Variants in CCDC180 observed in about 807,000 individuals in gnomAD.
The protein encoded by CCDC180 is coiled-coil domain-containing protein 180.
Under a neutral mutation model 209.2 loss-of-function variants are expected in CCDC180, and 154 were observed. The ratio of observed to expected loss-of-function variants is 0.74; its 90% confidence interval spans 0.65 to 0.84. CCDC180 has a LOEUF of 0.84. CCDC180 is among the 40% of genes least tolerant of loss of function. The probability of loss-of-function intolerance (pLI) is 0.00; values close to 1 mark genes in which losing one functional copy is unlikely to be tolerated. For synonymous variants in CCDC180, 778 were observed against 749.1 expected, an observed-to-expected ratio of 1.04 and a Z score of -0.63; for missense variants, 1,874 against 1,997.3, an observed-to-expected ratio of 0.94 and a Z score of 1.18.
chr9:97,343,137 G>A (rs1461678912), intron 18 of CCDC180, among the ~76,000 whole-genome samples: 3 of 152,194 alleles, frequency 2.0e-5, no homozygotes, highest in African/African-American at 2.4e-5. Context: ...GATGTTTTAA[G>A]AGAAATTAGA....
chr9:97,349,575 C>T (rs1826366802), intron 21 of CCDC180, among the ~76,000 whole-genome samples: 1 of 152,188 alleles, frequency 6.6e-6, no homozygotes, highest in African/African-American at 2.4e-5. Flanking sequence ...ACCACTTCCC[C>T]TCAGGAAAAA....
In CCDC180 at chr9:97,318,461, A is replaced by G. The variant is rs1475304532; in HGVS notation, c.960-2A>G. 1 of 1,613,224 alleles carries G rather than the reference A, an allele frequency of 6.2e-7. No homozygotes were observed. The highest frequency in any genetic ancestry group is 8.5e-7 in the Non-Finnish European group (1 of 1,179,724). ...TATGGTGCCAACATGTCTGGCCACC[A>G]GTGAGTTCATGGCCAGTGAGAGTAT... is the stretch of plus-strand genomic sequence containing the variant. On this transcript the variant is annotated splice_acceptor_variant, in intron 9 of 36. Coordinates refer to ENST00000529487, the MANE Select transcript of CCDC180 (RefSeq NM_020893.6). LOFTEE classifies it high-confidence loss of function.
At chr9:97,329,000 G>A (rs4743075) in intron 16 of CCDC180, among the ~76,000 whole-genome samples, 44,846 of 151,980 alleles carry the variant, frequency 0.3, 7,261 homozygotes, top group African/African-American at 0.41. Flanking sequence ...CTCTTTTCCC[G>A]CACACCAGCC....
Position 97,364,069 on chromosome 9 carries a change from G to T in CCDC180, c.3921G>T (p.Lys1307Asn). The T allele has an allele frequency of 6.2e-7, 1 of 1,614,098 alleles. No individual in the cohort carries two copies. Among genetic ancestry groups the T allele is most frequent in the Non-Finnish European group, 8.5e-7 (1 of 1,179,988 alleles). Residue 1307 changes from lysine (K) to asparagine (N), a missense_variant, in exon 29 of 37, where the codon AAG becomes AAT. Coordinates refer to ENST00000529487, the MANE Select transcript of CCDC180 (RefSeq NM_020893.6). ...TSAGSFTPHP[K>N]PNKMERKYRV... Reference sequence around the variant, plus strand: ...CCCACAGCTTCACACCGCACCCCAAGCCCAACAAAATGGAGAGAAAGTACC... The same window carrying T: ...CCCACAGCTTCACACCGCACCCCAATCCCAACAAAATGGAGAGAAAGTACC...
chr9:97,376,911 G>T lies in CCDC180; in HGVS notation c.*17G>T. On this transcript the variant is annotated 3_prime_UTR_variant, in exon 37 of 37. Transcript: ENST00000529487. ...TATGTGTGACCCTCCGCCCCACCAT[G>T]AATAAACACTTTCTTATACAGACTC... 1 of 1,605,858 alleles carries T rather than the reference G, an allele frequency of 6.2e-7. No individual in the cohort carries two copies. Among genetic ancestry groups the T allele is most frequent in the South Asian group, 1.1e-5 (1 of 90,448 alleles).
chr9:97,328,213 T>G (rs2118668740), intron 16 of CCDC180, 67 bp downstream of exon 16: 1 of 1,558,224 alleles, frequency 6.4e-7, no homozygotes, highest in East Asian at 2.3e-5. Flanking sequence ...GACTTCTTGT[T>G]ATGATCTGCC....
chr9:97,354,129 T>G (rs1826499319), intron 22 of CCDC180, among the ~76,000 whole-genome samples: 1 of 151,708 alleles, frequency 6.6e-6, no homozygotes, highest in Admixed American at 6.6e-5. Context: ...TCCCAAGTAG[T>G]TGGAATCACA....
intron 20 of CCDC180, 149 bp from the exon 21 acceptor site, chr9:97,348,962 C>T: frequency 1.4e-6 from 1 of 700,782 alleles, no homozygotes; most frequent in South Asian, 2.3e-5. Flanking sequence ...CTGATGAAGG[C>T]AACAGGGGCA....
chr9:97,337,808 T>G (rs1282380336), intron 18 of CCDC180, among the ~76,000 whole-genome samples: 1 of 152,222 alleles, frequency 6.6e-6, no homozygotes, highest in Non-Finnish European at 1.5e-5. Context: ...ATTTTTCTGG[T>G]TGGTAGGCTA....
intron 10 of CCDC180, among the ~76,000 whole-genome samples, chr9:97,318,816 A>G (rs1272175681): frequency 2.6e-5 from 4 of 152,164 alleles, no homozygotes; most frequent in African/African-American, 9.7e-5. Context: ...GAAAGAAACA[A>G]TGAACGGGGG....
intron 23 of CCDC180, 67 bp from the exon 24 acceptor site, chr9:97,354,825 C>T: frequency 6.4e-7 from 1 of 1,562,092 alleles, no homozygotes; most frequent in Non-Finnish European, 8.8e-7. Flanking sequence ...GCCTGTCCCC[C>T]TCCTCCTTCA....
At position 97,378,687 on chromosome 9, in the gene CCDC180, G is replaced by T. The variant is rs888485073; in HGVS notation, c.*1793G>T. On this transcript the variant is annotated 3_prime_UTR_variant, in exon 37 of 37. Transcript: ENST00000529487. ...CAAGGGCGAGGATGTCCCATGCAGGGCTCCTAGAAAGAAGGCAGAGATGAC... is the reference window on the plus strand; with the variant it reads ...CAAGGGCGAGGATGTCCCATGCAGGTCTCCTAGAAAGAAGGCAGAGATGAC... Among the ~76,000 whole-genome samples, 1 of 152,172 alleles carries T rather than the reference G, an allele frequency of 6.6e-6. No individual in the cohort carries two copies. The highest frequency in any genetic ancestry group is 6.5e-5 in the Admixed American group (1 of 15,276).
At chr9:97,343,098 A>G (rs1422068053) in intron 18 of CCDC180, among the ~76,000 whole-genome samples, 1 of 152,238 alleles carries the variant, frequency 6.6e-6, no homozygotes, top group African/African-American at 2.4e-5. Flanking sequence ...GCCATGTGGG[A>G]ATGCAGGCTC....
intron 29 of CCDC180, 179 bp from the exon 30 acceptor site, chr9:97,365,494 A>T: frequency 6.6e-6 from 4 of 603,350 alleles, no homozygotes; most frequent in Non-Finnish European, 1.2e-5. Context: ...GAAGAGAAGA[A>T]AGTTAGCTGC....
chr9:97,330,583 A>C lies in CCDC180; in HGVS notation c.2090A>C (p.Gln697Pro), dbSNP rs1410871563. 2 of 1,614,154 alleles carry C rather than the reference A, an allele frequency of 1.2e-6. No individual in the cohort carries two copies. The highest frequency in any genetic ancestry group is 3.3e-4 in the Middle Eastern group (2 of 6,062). The change falls in exon 18 of 37, where the codon CAG becomes CCG. Residue 697 changes from glutamine to proline, a missense_variant. Gln to Pro is a moderately conservative substitution (Grantham distance 76, BLOSUM62 -1). Coordinates refer to ENST00000529487, the MANE Select transcript of CCDC180 (RefSeq NM_020893.6). Reference protein sequence around the residue: ...EGSIQGLEEMQVEREGSLNPS... With the variant: ...EGSIQGLEEMPVEREGSLNPS... ...TCTATTCAGGGACTGGAAGAAATGC[A>C]GGTTGAAAGAGAGGGCTCCTTAAAC... is the stretch of plus-strand genomic sequence containing the variant.
At chr9:97,339,967 G>A (rs529746094) in intron 18 of CCDC180, among the ~76,000 whole-genome samples, 45 of 152,046 alleles carry the variant, frequency 3.0e-4, no homozygotes, top group Admixed American at 5.9e-4. Context: ...TGAAACTTGC[G>A]CATGCGTCAC....
chr9:97,364,164 AC>A, intron 29 of CCDC180, 36 bp downstream of exon 29: 1 of 1,604,696 alleles, frequency 6.2e-7, no homozygotes, highest in South Asian at 1.1e-5. Context: ...ACTGCATTTA[AC>A]CTGTTTTGGG....
At chr9:97,362,556 G>A in intron 28 of CCDC180, 115 bp downstream of exon 28, 2 of 1,448,834 alleles carry the variant, frequency 1.4e-6, no homozygotes, top group Non-Finnish European at 9.2e-7. Context: ...AATGCTCATG[G>A]CTCTGGGACT....
intron 22 of CCDC180, among the ~76,000 whole-genome samples, chr9:97,352,945 G>GTGTATATATA (rs1554731866): frequency 3.7e-5 from 5 of 136,378 alleles, no homozygotes; most frequent in African/African-American, 1.4e-4. Flanking sequence ...ATATACGTAT[G>GTGTATATATA]TATATATATA....
Sources: gnomAD v4.1 joint callset for allele counts (sites outside exome capture counted in the v4.1 genomes callset) on GRCh38, gnomAD v4.1.1 for gene constraint, MANE v1.5 for transcripts, NCBI Gene and HGNC (gene_info 2026-07-23, HGNC 2026-07-21) for gene names.